Variants in SMAD1 observed in about 807,000 individuals in gnomAD.
SMAD1 encodes the protein MAD, mothers against decapentaplegic homolog 1.
A neutral mutation model predicts 41.6 loss-of-function variants in SMAD1; 6 were observed. That is an observed-to-expected ratio of 0.14 (90% CI 0.08 to 0.28). The LOEUF (loss-of-function observed/expected upper bound fraction) is 0.28, where lower values mean the gene tolerates loss of function less well. SMAD1 is among the 10% of genes least tolerant of loss of function. The probability of loss-of-function intolerance (pLI) is 1.00; values close to 1 mark genes in which losing one functional copy is unlikely to be tolerated. For missense variants in SMAD1, 379 were observed against 582.6 expected (o/e 0.65, Z 3.60); for synonymous variants, 206 against 203.2 (o/e 1.01, Z -0.12).
At chr4:145,540,757 C>T (rs1731882948) in intron 3 of SMAD1, among the ~76,000 whole-genome samples, 1 of 148,892 alleles carries the variant, frequency 6.7e-6, no homozygotes. Context: ...AAAAAGAGTG[C>T]CAAATTTCTT....
rs147893121 is a variant in SMAD1 at position 145,502,837 on chromosome 4, G to A, written c.-176-11601G>A. On this transcript the variant is annotated intron_variant, in intron 1 of 6. Coordinates refer to ENST00000302085, the MANE Select transcript of SMAD1 (RefSeq NM_005900.3). The stretch of plus-strand genomic sequence containing the variant: ...AGTAAGCTGGAATTCAGTCTACATG[G>A]TATTCCTTTTCTTTTTGATTCCTAA... The A allele has an allele frequency of 1.4e-4, 21 of 152,264 alleles. No homozygotes were observed. In the East Asian group the frequency reaches 3.9e-3, roughly 28 times the overall value. 9.4% of individuals were successfully genotyped at this position (152,264 alleles called of 1,614,324 possible).
chr4:145,513,547 G>T (rs992749863), intron 1 of SMAD1, among the ~76,000 whole-genome samples: 1 of 151,984 alleles, frequency 6.6e-6, no homozygotes, highest in Non-Finnish European at 1.5e-5. Flanking sequence ...AGCAGGAGAT[G>T]TATTTCCTAT....
chr4:145,535,705 G>C (rs1438021513), intron 2 of SMAD1, among the ~76,000 whole-genome samples: 1 of 151,938 alleles, frequency 6.6e-6, no homozygotes, highest in Non-Finnish European at 1.5e-5. Context: ...TAAAATTGGA[G>C]GACTAAGTTA....
At chr4:145,505,657 G>A (rs1578759131) in intron 1 of SMAD1, among the ~76,000 whole-genome samples, 1 of 151,426 alleles carries the variant, frequency 6.6e-6, no homozygotes, top group South Asian at 2.1e-4. Flanking sequence ...AATTCATGCA[G>A]TTTGCTTATA....
chr4:145,558,746 T>G lies in SMAD1; in HGVS notation c.*812T>G, dbSNP rs1424848116. Among the ~76,000 whole-genome samples the G allele has an allele frequency of 6.6e-6, 1 of 152,056 alleles. No homozygotes were observed. The highest frequency in any genetic ancestry group is 1.5e-5 in the Non-Finnish European group (1 of 68,004). ...TTATCATTTTTTTCTCTCTCGGCAT[T>G]CTTTTTTCTCATACTCTTCAAAAAG... On this transcript the variant is annotated 3_prime_UTR_variant, in exon 7 of 7. Transcript: ENST00000302085.
At chr4:145,545,196 A>G (rs578251758) in intron 4 of SMAD1, 1 of 152,130 alleles carries the variant, frequency 6.6e-6, no homozygotes, top group Non-Finnish European at 1.5e-5. Context: ...TTCATTACAT[A>G]TTGTCTATGA....
chr4:145,543,455 A>G (rs780832837), intron 4 of SMAD1, among the ~76,000 whole-genome samples: 2 of 152,208 alleles, frequency 1.3e-5, no homozygotes, highest in African/African-American at 2.4e-5. Context: ...TGTATGTGCA[A>G]CTACAACTGG....
In SMAD1 at chr4:145,514,441, C is replaced by A; in HGVS notation, c.-173C>A. 1.8e-6 allele frequency: 1 copy of A among 562,774 alleles called. No homozygotes were observed. Among genetic ancestry groups the A allele is most frequent in the Non-Finnish European group, 3.0e-6 (1 of 329,022 alleles). The allele number at this position is 562,774 out of a possible 1,614,324, so 34.9% of individuals were successfully genotyped here. The stretch of plus-strand genomic sequence containing the variant: ...CCATTCTTTTTTTGTTTTGTAGGTG[C>A]TGACTGGGTTACTTTTTTAAACACT... On this transcript the variant is annotated 5_prime_UTR_variant, in exon 2 of 7. The change creates a new upstream start codon in the 5' untranslated region. Coordinates refer to ENST00000302085, the MANE Select transcript of SMAD1 (RefSeq NM_005900.3). This position sits in a 1 kb window ranked among gnomAD's most constrained non-coding sequence, Gnocchi z 4.7.
At chr4:145,497,320 A>G (rs1014217143) in intron 1 of SMAD1, 1 of 152,218 alleles carries the variant, frequency 6.6e-6, no homozygotes, top group African/African-American at 2.4e-5. Flanking sequence ...GTTGTAGCAC[A>G]GACTGTAGGT....
intron 2 of SMAD1, among the ~76,000 whole-genome samples, chr4:145,538,401 T>C (rs1731732610): frequency 6.6e-6 from 1 of 152,192 alleles, no homozygotes; most frequent in Non-Finnish European, 1.5e-5. Flanking sequence ...AAAGATTTGT[T>C]CCTGAAGGAT....
intron 1 of SMAD1, among the ~76,000 whole-genome samples, chr4:145,496,000 G>T (rs1048869629): frequency 6.6e-6 from 1 of 152,062 alleles, no homozygotes; most frequent in African/African-American, 2.4e-5. Flanking sequence ...ACACATACAA[G>T]AGCTAATGGT....
At chr4:145,522,067 G>A (rs1329521897) in intron 2 of SMAD1, among the ~76,000 whole-genome samples, 2 of 152,150 alleles carry the variant, frequency 1.3e-5, no homozygotes, top group African/African-American at 4.8e-5. Context: ...CAACACTTTG[G>A]GAGGCCAAGG....
In SMAD1 at chr4:145,558,460, A is replaced by T. The variant is rs1340306842; in HGVS notation, c.*526A>T. Among the ~76,000 whole-genome samples, 1 of 152,188 alleles carries T rather than the reference A, an allele frequency of 6.6e-6. No individual in the cohort carries two copies. The highest frequency in any genetic ancestry group is 2.4e-5 in the African/African-American group (1 of 41,454). ...AAGGTTAATCTTGATGATATACATAATAATCTTTCTAAAATTGTATGCTGA... is the reference window on the plus strand; with the variant it reads ...AAGGTTAATCTTGATGATATACATATTAATCTTTCTAAAATTGTATGCTGA... On this transcript the variant is annotated 3_prime_UTR_variant, in exon 7 of 7. Coordinates refer to ENST00000302085, the MANE Select transcript of SMAD1 (RefSeq NM_005900.3).
At chr4:145,542,475 G>A (rs1731998221) in intron 3 of SMAD1, 107 bp from the exon 4 acceptor site, 3 of 622,670 alleles carry the variant, frequency 4.8e-6, no homozygotes, top group Non-Finnish European at 8.2e-6. Flanking sequence ...TGGGGAGATT[G>A]AAATGACAAC....
intron 1 of SMAD1, among the ~76,000 whole-genome samples, chr4:145,493,449 T>C (rs1312397557): frequency 6.6e-6 from 1 of 152,248 alleles, no homozygotes; most frequent in Non-Finnish European, 1.5e-5. Context: ...TTTATGTTTG[T>C]GTGCTCAGGG....
chr4:145,493,877 T>G (rs1728909084), intron 1 of SMAD1, among the ~76,000 whole-genome samples: 2 of 152,218 alleles, frequency 1.3e-5, no homozygotes, highest in African/African-American at 4.8e-5. Flanking sequence ...AACTTTCACT[T>G]CAAAATCAAG....
At position 145,518,631 on chromosome 4, in the gene SMAD1, A is replaced by T. The variant is rs191869932; in HGVS notation, c.400+3618A>T. ...GGGGGTCTGGAATTCTAAGCTGCACATATACACAGCTCAACACTGAATTAT... is the reference window on the plus strand; with the variant it reads ...GGGGGTCTGGAATTCTAAGCTGCACTTATACACAGCTCAACACTGAATTAT... On this transcript the variant is annotated intron_variant, in intron 2 of 6. Transcript: ENST00000302085. 3.8e-4 allele frequency among the ~76,000 whole-genome samples: 48 copies of T among 127,056 alleles called. 12 individuals carry two copies. The highest frequency in any genetic ancestry group is 7.4e-4 in the Non-Finnish European group (38 of 51,454). 83.4% of individuals were successfully genotyped at this position (127,056 alleles called of 152,430 possible). A position where few individuals can be genotyped will look rare whatever the true frequency, so the allele number is the denominator to read the frequency against.
intron 2 of SMAD1, among the ~76,000 whole-genome samples, chr4:145,537,360 A>G (rs1731666712): frequency 6.6e-6 from 1 of 152,170 alleles, no homozygotes; most frequent in Non-Finnish European, 1.5e-5. Flanking sequence ...TTTGTGTTCT[A>G]GGGCTGGGGA....
chr4:145,491,612 G>A (rs911615513), intron 1 of SMAD1, among the ~76,000 whole-genome samples: 8 of 152,096 alleles, frequency 5.3e-5, no homozygotes, highest in Non-Finnish European at 1.0e-4. Context: ...AAGGAAGCCC[G>A]AATTTCCCAG....
Sources: gnomAD v4.1 joint callset for allele counts (sites outside exome capture counted in the v4.1 genomes callset) on GRCh38, gnomAD v4.1.1 for gene constraint, Gnocchi (gnomAD v3.1) non-coding constraint, MANE v1.5 for transcripts, NCBI Gene and HGNC (gene_info 2026-07-23, HGNC 2026-07-21) for gene names.